Variants in USH2A observed in about 807,000 individuals in gnomAD.
USH2A encodes Usher syndrome 2A (autosomal recessive, mild).
USH2A carries 443 observed loss-of-function variants against 538.9 expected under a neutral mutation model. The observed-to-expected ratio is 0.82, with a 90% CI of 0.76 to 0.89. USH2A has a LOEUF of 0.89. Ranked by LOEUF, USH2A falls within the 40% of genes least tolerant of loss-of-function variation. The pLI, the probability that USH2A is intolerant of heterozygous loss-of-function variation, is 0.00. For missense variants in USH2A, 6,633 were observed against 6,324.8 expected (o/e 1.05, Z -1.65); for synonymous variants, 2,413 against 2,273.5 (o/e 1.06, Z -1.75).
At chr1:215,713,454 T>A (rs1027902687) in intron 61 of USH2A, among the ~76,000 whole-genome samples, 3 of 152,220 alleles carry the variant, frequency 2.0e-5, no homozygotes, top group South Asian at 2.1e-4. Flanking sequence ...GATTTTTTTT[T>A]TAAATCAGTT....
intron 58 of USH2A, among the ~76,000 whole-genome samples, chr1:215,751,244 T>TA (rs1464563675): frequency 6.6e-6 from 1 of 152,034 alleles, no homozygotes; most frequent in Non-Finnish European, 1.5e-5. Flanking sequence ...AAATGATAAA[T>TA]AAAAAAATTT....
chr1:215,894,075 G>T (rs1386962271), intron 40 of USH2A, among the ~76,000 whole-genome samples: 1 of 152,068 alleles, frequency 6.6e-6, no homozygotes, highest in East Asian at 1.9e-4. Context: ...ATGCAAAATA[G>T]ATACCTGAAT....
At chr1:216,322,625 G>C (rs1173019082) in intron 8 of USH2A, among the ~76,000 whole-genome samples, 1 of 147,902 alleles carries the variant, frequency 6.8e-6, no homozygotes, top group East Asian at 2.0e-4. Context: ...AAAAAAGAAA[G>C]AAAAAAGAAT....
chr1:216,252,872 T>C lies in USH2A; in HGVS notation c.1972-1774A>G, dbSNP rs76127653. ...ATATGTGTAACATATAGGCATACCA[T>C]GAAAATCCAATAGGCGTGTGGGTAC... On this transcript the variant is annotated intron_variant, in intron 11 of 71. Transcript: ENST00000307340. 9.8e-3 allele frequency among the ~76,000 whole-genome samples: 1,499 copies of C among 152,222 alleles called. 21 individuals carry two copies. Among genetic ancestry groups the C allele is most frequent in the African/African-American group, 0.034 (1,400 of 41,538 alleles).
chr1:215,838,135 A>G (rs763208763), intron 46 of USH2A, 32 bp from the exon 47 acceptor site: 1 of 1,549,916 alleles, frequency 6.5e-7, no homozygotes, highest in Admixed American at 1.7e-5. Flanking sequence ...AAATAAATGC[A>G]ACCATTTTTG....
chr1:215,950,012 T>A lies in USH2A; in HGVS notation c.7121-15217A>T, dbSNP rs111766521. On this transcript the variant is annotated intron_variant, in intron 37 of 71. Coordinates refer to ENST00000307340, the MANE Select transcript of USH2A (RefSeq NM_206933.4). ...ATTAGAGCAACCTACCATTTTTATC[T>A]ATCAAATGCATATAACTACAGACAG... 6.5e-3 allele frequency among the ~76,000 whole-genome samples: 991 copies of A among 152,286 alleles called. 12 individuals carry two copies. The highest frequency in any genetic ancestry group is 0.022 in the African/African-American group (935 of 41,576).
At chr1:216,292,152 T>C (rs1302314247) in intron 10 of USH2A, 23 bp downstream of exon 10, 1 of 1,613,396 alleles carries the variant, frequency 6.2e-7, no homozygotes, top group Non-Finnish European at 8.5e-7. Flanking sequence ...CCAAACCAAC[T>C]CAGGAATTTA....
intron 3 of USH2A, among the ~76,000 whole-genome samples, chr1:216,400,736 A>G (rs945980424): frequency 1.3e-5 from 2 of 152,200 alleles, no homozygotes; most frequent in East Asian, 3.8e-4. Context: ...TTCAAATGAC[A>G]ACAGATTTCT....
chr1:215,877,344 A>G (rs1664797392), intron 43 of USH2A, among the ~76,000 whole-genome samples: 1 of 152,210 alleles, frequency 6.6e-6, no homozygotes, highest in Non-Finnish European at 1.5e-5. Context: ...GGACTGAATC[A>G]ATAACTTACA....
rs551114157 is a variant in USH2A at position 215,712,058 on chromosome 1, G to A, written c.12066+15972C>T. Among the ~76,000 whole-genome samples the A allele has an allele frequency of 1.8e-4, 27 of 152,258 alleles. 1 individual carries two copies. The highest frequency in any genetic ancestry group is 6.2e-4 in the South Asian group (3 of 4,826). ...AAAACGAGACACCAAGGCTTGTGGC[G>A]TGATGACCAGGTCTTCCTAGTCAGA... On this transcript the variant is annotated intron_variant, in intron 61 of 71. Coordinates refer to ENST00000307340, the MANE Select transcript of USH2A (RefSeq NM_206933.4).
chr1:216,008,312 C>G (rs1668454397), intron 32 of USH2A, among the ~76,000 whole-genome samples: 1 of 152,014 alleles, frequency 6.6e-6, no homozygotes, highest in South Asian at 2.1e-4. Flanking sequence ...CTTCTCCTGG[C>G]TCATCCTGGC....
At position 215,790,155 on chromosome 1, in the gene USH2A, T is replaced by G; in HGVS notation, c.10086A>C (p.Glu3362Asp). ...DPVPVKCCET[E>D]LIPKSQKCCN... Reference sequence around the variant, plus strand: ...AGCATTTCTGGCTCTTTGGAATAAGTTCAGTCTCACAGCATTTTACTGGCA... The same window carrying G: ...AGCATTTCTGGCTCTTTGGAATAAGGTCAGTCTCACAGCATTTTACTGGCA... Residue 3362 changes from glutamate to aspartate, a missense_variant, in exon 51 of 72, where the codon GAA becomes GAC. Transcript: ENST00000307340. 6.2e-7 allele frequency: 1 copy of G among 1,614,016 alleles called. No individual in the cohort carries two copies. Among genetic ancestry groups the G allele is most frequent in the Non-Finnish European group, 8.5e-7 (1 of 1,179,978 alleles).
rs1664797666 is a variant in USH2A at position 215,877,355 on chromosome 1, A to G, written c.8681+403T>C. On this transcript the variant is annotated intron_variant, in intron 43 of 71. Transcript: ENST00000307340. The stretch of plus-strand genomic sequence containing the variant: ...TTGCGGACTGAATCAATAACTTACA[A>G]TCAATTATAAGTCATTATAATTCAT... Among the ~76,000 whole-genome samples the G allele has an allele frequency of 1.3e-5, 2 of 152,178 alleles. 1 individual carries two copies. Among genetic ancestry groups the G allele is most frequent in the South Asian group, 4.1e-4 (2 of 4,834 alleles).
chr1:216,200,226 C>G, intron 16 of USH2A, 105 bp from the exon 17 acceptor site: 1 of 1,170,108 alleles, frequency 8.5e-7, no homozygotes, highest in Non-Finnish European at 1.2e-6. Flanking sequence ...TAAACTATAC[C>G]AATCTACTCT....
chr1:216,168,598 C>T (rs2034215761), intron 21 of USH2A, among the ~76,000 whole-genome samples: 1 of 152,102 alleles, frequency 6.6e-6, no homozygotes, highest in East Asian at 1.9e-4. Context: ...TGCCTGGGGA[C>T]CTGTCTGCCT....
intron 32 of USH2A, among the ~76,000 whole-genome samples, chr1:216,007,192 T>C (rs1027194019): frequency 5.9e-5 from 9 of 152,180 alleles, no homozygotes; most frequent in African/African-American, 7.2e-5. Context: ...CAACTGTAAG[T>C]CCATTAAACC....
intron 21 of USH2A, among the ~76,000 whole-genome samples, chr1:216,171,730 T>C (rs747326399): frequency 2.3e-4 from 35 of 152,184 alleles, no homozygotes; most frequent in Non-Finnish European, 4.3e-4. Context: ...TCAGTGGAAT[T>C]ATGTTAATTT....
intron 3 of USH2A, among the ~76,000 whole-genome samples, chr1:216,388,880 A>G (rs1360233807): frequency 6.6e-6 from 1 of 152,176 alleles, no homozygotes; most frequent in African/African-American, 2.4e-5. Context: ...CTTGCCTCTC[A>G]ATAGGTGTTC....
chr1:216,395,470 C>T (rs547805167), intron 3 of USH2A, among the ~76,000 whole-genome samples: 1 of 152,160 alleles, frequency 6.6e-6, no homozygotes, highest in African/African-American at 2.4e-5. Context: ...TCATTTTTTG[C>T]CCCTATTTTT....
Sources: allele counts gnomAD v4.1 joint callset (sites outside exome capture counted in the v4.1 genomes callset), GRCh38; gene constraint gnomAD v4.1.1; transcripts MANE v1.5; gene names NCBI Gene and HGNC (gene_info 2026-07-23, HGNC 2026-07-21).